FAM228B: variants seen among roughly 807,000 people sequenced by gnomAD.
FAM228B encodes the protein family with sequence similarity 228 member B.
A neutral mutation model predicts 42.6 loss-of-function variants in FAM228B; 38 were observed. The observed-to-expected ratio is 0.89, with a 90% CI of 0.69 to 1.17. The LOEUF (loss-of-function observed/expected upper bound fraction) is 1.17, where lower values mean the gene tolerates loss of function less well. Among genes scored for constraint, FAM228B ranks in the 50% most tolerant of loss-of-function variants. The pLI is 0.00. For synonymous variants in FAM228B, 109 were observed against 122.3 expected (o/e 0.89, Z 0.72); for missense variants, 344 against 367.3 (o/e 0.94, Z 0.52).
At position 24,135,136 on chromosome 2, in the gene FAM228B, T is replaced by C; in HGVS notation, c.117T>C (p.Asp39=). 1 of 1,512,506 alleles carries C rather than the reference T, an allele frequency of 6.6e-7. No individual in the cohort carries two copies. The highest frequency in any genetic ancestry group is 8.9e-7 in the Non-Finnish European group (1 of 1,119,566). The allele number at this position is 1,512,506 out of a possible 1,614,324, so 93.7% of individuals were successfully genotyped here. Residue 39 remains aspartate, a synonymous_variant, in exon 3 of 11, where the codon GAT becomes GAC. Transcript: ENST00000615575. The part of the protein sequence containing the change: ...LCFMEVLAKE[D]TEAAIQSILY... ...CCTTTCAGGTTTTAGCTAAAGAAGA[T>C]ACTGAGGCAGCTATTCAATCAATAT...
At chr2:24,128,087 C>T (rs780822684) in intron 2 of FAM228B, among the ~76,000 whole-genome samples, 7 of 152,188 alleles carry the variant, frequency 4.6e-5, no homozygotes, top group East Asian at 3.8e-4. Context: ...GTTTTTCCCC[C>T]GTGCATTTCA....
chr2:24,099,357 G>A (rs1157880792), intron 3 of FAM228B, among the ~76,000 whole-genome samples: 1 of 152,172 alleles, frequency 6.6e-6, no homozygotes, highest in Non-Finnish European at 1.5e-5. Flanking sequence ...TGACATGATT[G>A]TATATTTAGA....
chr2:24,108,993 G>C (rs1011031308), intron 3 of FAM228B, among the ~76,000 whole-genome samples: 5 of 151,628 alleles, frequency 3.3e-5, no homozygotes, highest in Non-Finnish European at 7.4e-5. Context: ...AAAGCTGAAG[G>C]CATCACCTTA....
At chr2:24,136,911 G>A (rs567900278) in intron 3 of FAM228B, among the ~76,000 whole-genome samples, 1 of 152,124 alleles carries the variant, frequency 6.6e-6, no homozygotes, top group African/African-American at 2.4e-5. Context: ...TATTCAATAA[G>A]CAGTGACTCC....
chr2:24,120,975 T>C (rs1666095956), upstream of FAM228B, among the ~76,000 whole-genome samples: 1 of 151,254 alleles, frequency 6.6e-6, no homozygotes, highest in Non-Finnish European at 1.5e-5. Flanking sequence ...TGAACATTTC[T>C]CAAAACCAGG....
intron 3 of FAM228B, among the ~76,000 whole-genome samples, chr2:24,108,900 CAAA>C (rs138273554): frequency 6.3e-5 from 5 of 79,870 alleles, no homozygotes; most frequent in Non-Finnish European, 7.5e-5. Flanking sequence ...GAGTCCGTCT[CAAA>C]AAAAAAAAAA....
Position 24,084,344 on chromosome 2 carries a change from GGC to G in FAM228B, c.-210+3390_-210+3391del. On this transcript the variant is annotated intron_variant, in intron 2 of 10. Transcript: ENST00000613899. This position sits in a 1 kb window ranked among gnomAD's most constrained non-coding sequence, Gnocchi z 8.4. Reference sequence around the variant, plus strand: ...GCTAACATATTGTCTGAGGACACAGGGCAGGGCAGGGCAGGACAGGACAGGGC... The same window carrying G: ...GCTAACATATTGTCTGAGGACACAGGAGGGCAGGGCAGGACAGGACAGGGC... 7.1e-7 allele frequency: 1 copy of G among 1,412,580 alleles called. No individual in the cohort carries two copies. The highest frequency in any genetic ancestry group is 9.6e-7 in the Non-Finnish European group (1 of 1,038,864). 87.5% of individuals were successfully genotyped at this position (1,412,580 alleles called of 1,614,324 possible).
chr2:24,092,924 GCACACACACACACACACACACA>G (rs3030954), intron 2 of FAM228B, among the ~76,000 whole-genome samples: 18 of 133,436 alleles, frequency 1.3e-4, no homozygotes, highest in Non-Finnish European at 6.4e-5. Flanking sequence ...ATGATTTTAT[GCACACACACACACACACACACA>G]CACACACACA....
chr2:24,147,185 C>A, intron 7 of FAM228B, 99 bp downstream of exon 7: 1 of 873,836 alleles, frequency 1.1e-6, no homozygotes, highest in South Asian at 3.1e-5. Flanking sequence ...TTAAAATTAT[C>A]ATTTTTCTTT....
chr2:24,089,312 T>C (rs1366806942), intron 2 of FAM228B, among the ~76,000 whole-genome samples: 7 of 151,974 alleles, frequency 4.6e-5, no homozygotes, highest in Non-Finnish European at 1.0e-4. Flanking sequence ...ATAGCCAAGG[T>C]CTGAAAGACT....
chr2:24,142,968 A>G (rs1666791039), intron 5 of FAM228B, among the ~76,000 whole-genome samples: 1 of 152,216 alleles, frequency 6.6e-6, no homozygotes. Flanking sequence ...TACGCGTGGG[A>G]AAAAGATTCA....
At chr2:24,152,248 T>C (rs950730009) in intron 7 of FAM228B, among the ~76,000 whole-genome samples, 1 of 152,254 alleles carries the variant, frequency 6.6e-6, no homozygotes, top group African/African-American at 2.4e-5. Context: ...TATCATGAAT[T>C]TCTTTGAGTT....
At chr2:24,098,244 A>G (rs926623035) in intron 3 of FAM228B, among the ~76,000 whole-genome samples, 1 of 152,198 alleles carries the variant, frequency 6.6e-6, no homozygotes, top group African/African-American at 2.4e-5. Context: ...AAGAGCAAAC[A>G]AATTCAAAAG....
At chr2:24,122,641 A>AT (rs1174199101), upstream of FAM228B, 31 of 753,010 alleles carry the variant, frequency 4.1e-5, no homozygotes, top group Non-Finnish European at 5.9e-5. Context: ...AGACAGTTCT[A>AT]AGATCAGCAA....
chr2:24,121,201 A>T (rs1280376103), upstream of FAM228B: 1 of 1,614,056 alleles, frequency 6.2e-7, no homozygotes, highest in African/African-American at 1.3e-5. Context: ...GCCCGGACAC[A>T]TCTGTAATCT....
intron 3 of FAM228B, among the ~76,000 whole-genome samples, chr2:24,104,508 G>A (rs905525969): frequency 6.6e-6 from 1 of 152,162 alleles, no homozygotes; most frequent in Non-Finnish European, 1.5e-5. Flanking sequence ...GCCTGAACTC[G>A]GCCAGCCACT....
chr2:24,082,418 A>G (rs1665045087), intron 2 of FAM228B, among the ~76,000 whole-genome samples: 1 of 152,202 alleles, frequency 6.6e-6, no homozygotes. Flanking sequence ...TATCATAGAC[A>G]GGGCTATCCT....
At chr2:24,083,260 T>A in intron 2 of FAM228B, 1 of 1,430,738 alleles carries the variant, frequency 7.0e-7, no homozygotes, top group Non-Finnish European at 9.4e-7. Flanking sequence ...AAAATAAATT[T>A]CAGAATGAAG....
At chr2:24,081,816 T>C (rs10153901) in intron 2 of FAM228B, among the ~76,000 whole-genome samples, 18,049 of 150,006 alleles carry the variant, frequency 0.12, 1,250 homozygotes, top group South Asian at 0.18. Flanking sequence ...TTGCCTCAGC[T>C]TCCTGAGTAG....
Sources: allele counts gnomAD v4.1 joint callset (sites outside exome capture counted in the v4.1 genomes callset), GRCh38; gene constraint gnomAD v4.1.1; non-coding constraint Gnocchi (gnomAD v3.1); transcripts MANE v1.5; gene names NCBI Gene and HGNC (gene_info 2026-07-23, HGNC 2026-07-21).